The following SUCLG2 variants were observed in gnomAD, a reference collection of about 807,000 sequenced individuals.
The protein encoded by SUCLG2 is succinate--CoA ligase [GDP-forming] subunit beta, mitochondrial.
A neutral mutation model predicts 47.9 loss-of-function variants in SUCLG2; 42 were observed. The observed-to-expected ratio is 0.88, with a 90% confidence interval of 0.69 to 1.14. The LOEUF is 1.14. Among genes scored for constraint, SUCLG2 ranks in the 50% most tolerant of loss-of-function variants. The pLI is 0.00. For missense variants in SUCLG2, 571 were observed against 525.9 expected (o/e 1.09, Z -0.84); for synonymous variants, 195 against 197.3 (o/e 0.99, Z 0.10).
chr3:67,563,959 CAAAAAAAAAAAAAAA>C (rs756674869), intron 2 of SUCLG2, among the ~76,000 whole-genome samples: 48 of 78,178 alleles, frequency 6.1e-4, no homozygotes, highest in Non-Finnish European at 1.3e-3. Flanking sequence ...GACTCTGTCT[CAAAAAAAAAAAAAAA>C]AAAAGAAAAA....
intron 2 of SUCLG2, among the ~76,000 whole-genome samples, chr3:67,580,933 T>C (rs1194502239): frequency 6.6e-6 from 1 of 152,210 alleles, no homozygotes; most frequent in Non-Finnish European, 1.5e-5. Context: ...AATGGGTATA[T>C]GAACAGGAAG....
intron 10 of SUCLG2, among the ~76,000 whole-genome samples, chr3:67,365,442 C>T (rs1347533643): frequency 1.3e-5 from 2 of 152,200 alleles, no homozygotes; most frequent in Non-Finnish European, 2.9e-5. Context: ...AGTGATGCTA[C>T]AGTAACAGTG....
intron 2 of SUCLG2, among the ~76,000 whole-genome samples, chr3:67,589,597 C>T (rs989414516): frequency 6.6e-6 from 1 of 152,214 alleles, no homozygotes; most frequent in Non-Finnish European, 1.5e-5. Flanking sequence ...ATATCCCCTG[C>T]CATGCACATT....
chr3:67,621,526 T>A (rs549953052), intron 1 of SUCLG2, among the ~76,000 whole-genome samples: 1 of 152,326 alleles, frequency 6.6e-6, no homozygotes, highest in East Asian at 1.9e-4. Flanking sequence ...TAATCTCCAA[T>A]GTGGCAGTAT....
At chr3:67,561,280 A>G (rs982483446) in intron 2 of SUCLG2, among the ~76,000 whole-genome samples, 1 of 152,086 alleles carries the variant, frequency 6.6e-6, no homozygotes. Context: ...AATGAACATT[A>G]AATACCACAT....
At chr3:67,386,104 T>C (rs528015940) in intron 10 of SUCLG2, among the ~76,000 whole-genome samples, 284 of 152,280 alleles carry the variant, frequency 1.9e-3, no homozygotes, top group African/African-American at 5.4e-3. Flanking sequence ...TATTTATTTA[T>C]TTGAGACGGA....
At chr3:67,516,483 G>A (rs1178817965) in intron 6 of SUCLG2, among the ~76,000 whole-genome samples, 1 of 152,132 alleles carries the variant, frequency 6.6e-6, no homozygotes, top group African/African-American at 2.4e-5. Context: ...CACCTCCTGA[G>A]CTTTTAAATA....
intron 10 of SUCLG2, among the ~76,000 whole-genome samples, chr3:67,369,367 C>A (rs1357993199): frequency 1.3e-5 from 2 of 152,070 alleles, no homozygotes; most frequent in East Asian, 3.9e-4. Flanking sequence ...GCACAGATGC[C>A]ATGTTGTTTC....
intron 9 of SUCLG2, among the ~76,000 whole-genome samples, chr3:67,424,647 T>C (rs1703252898): frequency 1.3e-5 from 2 of 152,186 alleles, no homozygotes; most frequent in Admixed American, 1.3e-4. Context: ...AATACAATAA[T>C]CCACATGAAG....
intron 2 of SUCLG2, among the ~76,000 whole-genome samples, chr3:67,595,991 T>C (rs1020356400): frequency 6.6e-6 from 1 of 152,216 alleles, no homozygotes; most frequent in African/African-American, 2.4e-5. Context: ...AACATTCTAG[T>C]CATGAGAAAA....
At chr3:67,397,847 G>A (rs1702583738) in intron 10 of SUCLG2, among the ~76,000 whole-genome samples, 2 of 151,896 alleles carry the variant, frequency 1.3e-5, no homozygotes, top group Admixed American at 1.3e-4. Context: ...ACAGAACAGA[G>A]CCCTCAGAAA....
At chr3:67,528,899 T>C (rs1429080648) in intron 3 of SUCLG2, among the ~76,000 whole-genome samples, 188 bp downstream of exon 3, 3 of 152,070 alleles carry the variant, frequency 2.0e-5, no homozygotes, top group Non-Finnish European at 4.4e-5. Flanking sequence ...GTAAGAAAAA[T>C]CATTTTGTGG....
At chr3:67,502,527 G>C (rs187233389) in intron 7 of SUCLG2, among the ~76,000 whole-genome samples, 1 of 152,166 alleles carries the variant, frequency 6.6e-6, no homozygotes, top group South Asian at 2.1e-4. Flanking sequence ...CTAGGTGTTG[G>C]TGGCAGGAGA....
At chr3:67,512,202 G>T (rs1705811366) in intron 6 of SUCLG2, among the ~76,000 whole-genome samples, 1 of 151,004 alleles carries the variant, frequency 6.6e-6, no homozygotes, top group South Asian at 2.1e-4. Context: ...TTCTGGCTTT[G>T]TGTCAGACTT....
chr3:67,518,922 A>G (rs1232135814), intron 5 of SUCLG2, among the ~76,000 whole-genome samples: 1 of 152,234 alleles, frequency 6.6e-6, no homozygotes, highest in East Asian at 1.9e-4. Flanking sequence ...GTCTGCATAT[A>G]AAGTCTCAAT....
In SUCLG2 at chr3:67,375,457, G is replaced by A; in HGVS notation, c.*287C>T. The stretch of plus-strand genomic sequence containing the variant: ...AATTCTGTCTATACACACAATATTT[G>A]GCCACATAGACCACTCCCCAAAGTC... On this transcript the variant is annotated 3_prime_UTR_variant, in exon 11 of 11. Coordinates refer to ENST00000307227, the MANE Select transcript of SUCLG2 (RefSeq NM_003848.4). 8.4e-6 allele frequency: 9 copies of A among 1,075,378 alleles called. No homozygotes were observed. The highest frequency in any genetic ancestry group is 1.0e-5 in the Non-Finnish European group (9 of 888,208). The allele number at this position is 1,075,378 out of a possible 1,614,324, so 66.6% of individuals were successfully genotyped here. A position where few individuals can be genotyped will look rare whatever the true frequency, so the allele number is the denominator to read the frequency against.
intron 2 of SUCLG2, among the ~76,000 whole-genome samples, chr3:67,552,611 T>C (rs116147564): frequency 4.3e-4 from 66 of 152,336 alleles, no homozygotes; most frequent in African/African-American, 1.5e-3. Context: ...ATTTTGTGGA[T>C]TGCCATTCCA....
intron 9 of SUCLG2, among the ~76,000 whole-genome samples, chr3:67,487,656 T>G (rs535560645): frequency 6.6e-6 from 1 of 152,124 alleles, no homozygotes; most frequent in African/African-American, 2.4e-5. Flanking sequence ...TTAAAAATGC[T>G]ACCTCTCCTG....
intron 1 of SUCLG2, among the ~76,000 whole-genome samples, chr3:67,626,726 A>G (rs976585327): frequency 5.9e-5 from 9 of 152,170 alleles, no homozygotes; most frequent in African/African-American, 1.9e-4. Context: ...CATCCTGGCT[A>G]ACACGGTGAA....
Sources: allele counts gnomAD v4.1 joint callset (sites outside exome capture counted in the v4.1 genomes callset), GRCh38; gene constraint gnomAD v4.1.1; transcripts MANE v1.5; gene names NCBI Gene and HGNC (gene_info 2026-07-23, HGNC 2026-07-21).